The following SEMA6A variants were observed in gnomAD, a reference collection of about 807,000 sequenced individuals.
SEMA6A encodes semaphorin-6A.
A neutral mutation model predicts 96.8 loss-of-function variants in SEMA6A; 25 were observed. That is an observed-to-expected ratio of 0.26 (90% CI 0.19 to 0.36). SEMA6A has a LOEUF of 0.36. Ranked by LOEUF, SEMA6A falls within the 10% of genes least tolerant of loss-of-function variation. SEMA6A has a pLI of 1.00. For missense variants in SEMA6A, 1,363 were observed against 1,323.1 expected, an observed-to-expected ratio of 1.03 and a Z score of -0.47; for synonymous variants, 612 against 518.0, an observed-to-expected ratio of 1.18 and a Z score of -2.46.
At chr5:116,522,130 A>G (rs544520233) in intron 1 of SEMA6A, among the ~76,000 whole-genome samples, 82 of 152,356 alleles carry the variant, frequency 5.4e-4, no homozygotes, top group African/African-American at 1.8e-3. Context: ...GTTCTCATAT[A>G]TAAGCAACTA....
intron 1 of SEMA6A, 73 bp from the exon 2 acceptor site, chr5:116,505,055 A>C (rs1758078036): frequency 3.0e-6 from 2 of 671,126 alleles, no homozygotes; most frequent in Admixed American, 2.8e-5. Flanking sequence ...ATACCCTGAA[A>C]GATAAATTCG....
At chr5:116,464,402 C>G (rs940587302) in intron 18 of SEMA6A, among the ~76,000 whole-genome samples, 1 of 152,130 alleles carries the variant, frequency 6.6e-6, no homozygotes, top group African/African-American at 2.4e-5. Context: ...GCAGCAAGGA[C>G]AAGAGACATT....
chr5:116,461,017 A>G (rs1259260922), intron 18 of SEMA6A, among the ~76,000 whole-genome samples: 3 of 152,222 alleles, frequency 2.0e-5, no homozygotes, highest in Non-Finnish European at 4.4e-5. Context: ...AATAAAAATT[A>G]TGATAAATCT....
rs1218089915 is a variant in SEMA6A at position 116,444,753 on chromosome 5, TCACAGCAGGGACCAGCCTGCCTG to T, written c.*1837_*1859del. The T allele has an allele frequency of 1.3e-5, 2 of 152,316 alleles. No homozygotes were observed. Among genetic ancestry groups the T allele is most frequent in the Non-Finnish European group, 2.9e-5 (2 of 68,060 alleles). 9.4% of individuals were successfully genotyped at this position (152,316 alleles called of 1,614,324 possible). ...CCTTGTACTTGGAGTTACTCGTTAA[TCACAGCAGGGACCAGCCTGCCTG>T]CATCTATTTCCATGTCATTTCTTTG... On this transcript the variant is annotated 3_prime_UTR_variant, in exon 19 of 19. Transcript: ENST00000343348.
chr5:116,465,756 A>G (rs1165536694), intron 18 of SEMA6A, among the ~76,000 whole-genome samples: 1 of 152,194 alleles, frequency 6.6e-6, no homozygotes, highest in African/African-American at 2.4e-5. Flanking sequence ...TGAAAAGAAA[A>G]TTACTGCAAC....
At chr5:116,535,139 G>T (rs1759652868) in intron 1 of SEMA6A, among the ~76,000 whole-genome samples, 1 of 152,254 alleles carries the variant, frequency 6.6e-6, no homozygotes, top group East Asian at 1.9e-4. Flanking sequence ...CCTGGCAATG[G>T]ACTGCTGCTA....
At chr5:116,497,498 G>T in intron 3 of SEMA6A, 111 bp from the exon 4 acceptor site, 2 of 595,488 alleles carry the variant, frequency 3.4e-6, no homozygotes, top group South Asian at 2.6e-5. Context: ...CCATGTTCAT[G>T]ATATCCACAT....
At position 116,447,621 on chromosome 5, in the gene SEMA6A, G is replaced by A. The variant is rs1261354085; in HGVS notation, c.2085C>T (p.Arg695=). 1 of 1,614,028 alleles carries A rather than the reference G, an allele frequency of 6.2e-7. No individual in the cohort carries two copies. Among genetic ancestry groups the A allele is most frequent in the East Asian group, 2.2e-5 (1 of 44,872 alleles). The part of the protein sequence containing the change: ...QRKEKELTHS[R]RGSMSSVTKL... ...TGGTGACGCTGCTCATGGAGCCCCG[G>A]CGCGAGTGGGTGAGCTCCTTCTCCT... The change falls in exon 19 of 19, where the codon CGC becomes CGT. Residue 695 remains arginine (R), a synonymous_variant. Coordinates refer to ENST00000343348, the MANE Select transcript of SEMA6A (RefSeq NM_020796.5).
At chr5:116,504,750 T>C (rs1366151480) in intron 2 of SEMA6A, 95 bp downstream of exon 2, 1 of 946,762 alleles carries the variant, frequency 1.1e-6, no homozygotes, top group African/African-American at 1.6e-5. Context: ...ATAAGTCACC[T>C]ATTCTATTTC....
At chr5:116,554,083 TGTAATAAACA>T (rs1193062987) in intron 1 of SEMA6A, among the ~76,000 whole-genome samples, 5 of 152,256 alleles carry the variant, frequency 3.3e-5, no homozygotes, top group South Asian at 2.1e-4. Flanking sequence ...GGCTTTCTAC[TGTAATAAACA>T]GTAATAAACA....
At chr5:116,516,964 C>T (rs984208179) in intron 1 of SEMA6A, among the ~76,000 whole-genome samples, 1 of 152,096 alleles carries the variant, frequency 6.6e-6, no homozygotes, top group Admixed American at 6.5e-5. Flanking sequence ...CCCTGAGGCT[C>T]CTTAAGTTTA....
rs983264619 is a variant in SEMA6A at position 116,573,108 on chromosome 5, C to G, written c.-39+1077G>C. ...TCCCACAGCGAGGAGCTGAGCAAAACGCGGAGAATCGGGACAAGAGACACT... is the reference window on the plus strand; with the variant it reads ...TCCCACAGCGAGGAGCTGAGCAAAAGGCGGAGAATCGGGACAAGAGACACT... On this transcript the variant is annotated intron_variant, in intron 1 of 18. Coordinates refer to ENST00000343348, the MANE Select transcript of SEMA6A (RefSeq NM_020796.5). Among the ~76,000 whole-genome samples the G allele has an allele frequency of 2.6e-5, 4 of 152,042 alleles. No homozygotes were observed. In the South Asian group the frequency reaches 6.2e-4, roughly 24 times the overall value.
intron 12 of SEMA6A, 92 bp downstream of exon 12, chr5:116,480,030 T>C (rs1240825606): frequency 1.7e-5 from 24 of 1,438,138 alleles, no homozygotes; most frequent in African/African-American, 8.4e-5. Context: ...CAGAAGATGT[T>C]TGTGGCATTT....
chr5:116,535,071 C>T (rs1297050869), intron 1 of SEMA6A, among the ~76,000 whole-genome samples: 1 of 152,190 alleles, frequency 6.6e-6, no homozygotes, highest in Non-Finnish European at 1.5e-5. Flanking sequence ...GCAGGAAATA[C>T]ACAAACATTG....
In SEMA6A at chr5:116,562,744, G is replaced by A. The variant is rs1216158530; in HGVS notation, c.-39+11441C>T. ...GCCGTGTGACTGGTGGGATGAAGGT[G>A]AAGGCAGACCGAGATGAATCTTTGC... On this transcript the variant is annotated intron_variant, in intron 1 of 18. Coordinates refer to ENST00000343348, the MANE Select transcript of SEMA6A (RefSeq NM_020796.5). 7 of 733,306 alleles carry A rather than the reference G, an allele frequency of 9.5e-6. No individual in the cohort carries two copies. In the East Asian group the frequency reaches 1.9e-4, roughly 20 times the overall value. The allele number at this position is 733,306 out of a possible 1,614,324, so 45.4% of individuals were successfully genotyped here.
At chr5:116,516,164 A>G (rs907607122) in intron 1 of SEMA6A, among the ~76,000 whole-genome samples, 6 of 152,150 alleles carry the variant, frequency 3.9e-5, no homozygotes, top group African/African-American at 1.4e-4. Flanking sequence ...CTATTTGATT[A>G]CAAGCTTCTG....
At chr5:116,561,831 C>A (rs1760828635) in intron 1 of SEMA6A, among the ~76,000 whole-genome samples, 1 of 152,126 alleles carries the variant, frequency 6.6e-6, no homozygotes, top group African/African-American at 2.4e-5. Flanking sequence ...TCGGAGATAT[C>A]CCTGGAGAAT....
intron 7 of SEMA6A, among the ~76,000 whole-genome samples, chr5:116,491,245 G>A (rs1757309894): frequency 6.6e-6 from 1 of 152,026 alleles, no homozygotes; most frequent in African/African-American, 2.4e-5. Context: ...CCCTAATTGG[G>A]GCTGGCAGTC....
intron 1 of SEMA6A, among the ~76,000 whole-genome samples, chr5:116,516,233 T>C (rs1181433752): frequency 6.6e-6 from 1 of 152,174 alleles, no homozygotes; most frequent in Non-Finnish European, 1.5e-5. Flanking sequence ...AAGCATGATA[T>C]TGATGCTGAC....
Sources: gnomAD v4.1 joint callset for allele counts (sites outside exome capture counted in the v4.1 genomes callset) on GRCh38, gnomAD v4.1.1 for gene constraint, MANE v1.5 for transcripts, NCBI Gene and HGNC (gene_info 2026-07-23, HGNC 2026-07-21) for gene names.